Variants in MYH11 observed in about 807,000 individuals in gnomAD.
MYH11 encodes the protein myosin-11.
A neutral mutation model predicts 246.6 loss-of-function variants in MYH11; 80 were observed. That is an observed-to-expected ratio of 0.32 (90% confidence interval 0.27 to 0.39). The LOEUF (loss-of-function observed/expected upper bound fraction) is 0.39, where lower values mean the gene tolerates loss of function less well. MYH11 is among the 10% of genes least tolerant of loss of function. The pLI, the probability that MYH11 is intolerant of heterozygous loss-of-function variation, is 1.00. For missense variants in MYH11, 2,158 were observed against 2,546.8 expected (o/e 0.85, Z 3.29); for synonymous variants, 1,071 against 1,015.5 (o/e 1.05, Z -1.04).
At position 15,756,414 on chromosome 16, in the gene MYH11, C is replaced by T. The variant is rs752880484; in HGVS notation, c.1676G>A (p.Ser559Asn). 1.2e-6 allele frequency: 2 copies of T among 1,614,076 alleles called. No individual in the cohort carries two copies. The highest frequency in any genetic ancestry group is 8.5e-7 in the Non-Finnish European group (1 of 1,180,058). Residue 559 changes from serine (S) to asparagine (N), a missense_variant, in exon 14 of 41, where the codon AGC becomes AAC. By Grantham distance (46) the Ser-to-Asn change is conservative. Coordinates refer to ENST00000300036, the MANE Select transcript of MYH11 (RefSeq NM_002474.3). ...CTTGGGCTTCTGGAACTTGGGGTGGCTGCCCTGCTCCGTGCACAGCTTCTC... is the reference window on the plus strand; with the variant it reads ...CTTGGGCTTCTGGAACTTGGGGTGGTTGCCCTGCTCCGTGCACAGCTTCTC... ...FVEKLCTEQG[S>N]HPKFQKPKQL...
At chr16:15,761,772 G>A (rs1466240160) in intron 10 of MYH11, among the ~76,000 whole-genome samples, 1 of 151,894 alleles carries the variant, frequency 6.6e-6, no homozygotes, top group Non-Finnish European at 1.5e-5. Context: ...TCTTTCCTTG[G>A]CATCCGGATT....
chr16:15,772,812 A>G (rs947566603), intron 8 of MYH11, among the ~76,000 whole-genome samples: 1 of 152,134 alleles, frequency 6.6e-6, no homozygotes, highest in Admixed American at 6.6e-5. Context: ...TCCGCTTCCC[A>G]TAAGATCAGC....
In MYH11 at chr16:15,838,121, G is replaced by A. The variant is rs973818233; in HGVS notation, c.132C>T (p.Gly44=). ...CCTCCTTAATGCTGGCTGCCTCGAA[G>A]CCCTGCTTCTCCGAGGGGACCCAGA... is the stretch of plus-strand genomic sequence containing the variant. ...RLVWVPSEKQ[G]FEAASIKEEK... Residue 44 remains glycine, a synonymous_variant, in exon 2 of 41, where the codon GGC becomes GGT. Coordinates refer to ENST00000300036, the MANE Select transcript of MYH11 (RefSeq NM_002474.3). 8 of 1,614,102 alleles carry A rather than the reference G, an allele frequency of 5.0e-6. No homozygotes were observed. The highest frequency in any genetic ancestry group is 1.6e-4 in the Middle Eastern group (1 of 6,062).
chr16:15,733,426 T>A (rs2041024827), intron 26 of MYH11, among the ~76,000 whole-genome samples: 1 of 150,896 alleles, frequency 6.6e-6, no homozygotes, highest in Admixed American at 6.6e-5. Context: ...AGAGATGGGG[T>A]TTCAACATGT....
intron 13 of MYH11, 151 bp downstream of exon 13, chr16:15,757,676 G>T: frequency 1.1e-6 from 1 of 947,092 alleles, no homozygotes; most frequent in Non-Finnish European, 1.6e-6. Context: ...GAGTTCACAA[G>T]GATTCAGCTT....
At position 15,769,013 on chromosome 16, in the gene MYH11, A is replaced by C. The variant is rs1038420513; in HGVS notation, c.1033+2556T>G. The stretch of plus-strand genomic sequence containing the variant: ...CCACCCCTCCAAAAATCAAACCAAA[A>C]CAAAACAAAAAACCCCAGGCCAGGC... On this transcript the variant is annotated intron_variant, in intron 9 of 40. Transcript: ENST00000300036. Among the ~76,000 whole-genome samples the C allele has an allele frequency of 6.0e-4, 90 of 150,504 alleles. 2 individuals carry two copies. The highest frequency in any genetic ancestry group is 7.9e-4 in the African/African-American group (32 of 40,750).
intron 4 of MYH11, among the ~76,000 whole-genome samples, chr16:15,795,338 T>G (rs1424759256): frequency 2.0e-5 from 3 of 148,658 alleles, no homozygotes; most frequent in Non-Finnish European, 3.0e-5. Flanking sequence ...TGGGCCAGGC[T>G]CAGCGGCTCA....
intron 1 of MYH11, among the ~76,000 whole-genome samples, chr16:15,841,033 C>T (rs748280057): frequency 1.2e-4 from 19 of 152,056 alleles, no homozygotes; most frequent in Non-Finnish European, 2.4e-4. Context: ...TGGTCAAATA[C>T]GAGACAGTGT....
chr16:15,814,007 G>A (rs1235217286), intron 3 of MYH11, among the ~76,000 whole-genome samples: 2 of 151,884 alleles, frequency 1.3e-5, no homozygotes, highest in African/African-American at 4.8e-5. Flanking sequence ...AGCTGGGCAT[G>A]GTGGCATGCA....
At chr16:15,837,134 T>C (rs2043918531) in intron 2 of MYH11, among the ~76,000 whole-genome samples, 1 of 152,204 alleles carries the variant, frequency 6.6e-6, no homozygotes, top group African/African-American at 2.4e-5. Flanking sequence ...CTACCTAAAA[T>C]AGTCCTACGA....
chr16:15,838,995 G>C (rs1237710815), intron 1 of MYH11, among the ~76,000 whole-genome samples: 1 of 152,050 alleles, frequency 6.6e-6, no homozygotes, highest in Non-Finnish European at 1.5e-5. Context: ...GATTCCTTGA[G>C]CCCAGGAGTT....
chr16:15,771,563 G>A lies in MYH11; in HGVS notation c.1033+6C>T, dbSNP rs767584307. 37 of 1,613,144 alleles carry A rather than the reference G, an allele frequency of 2.3e-5. No individual in the cohort carries two copies. Among genetic ancestry groups the A allele is most frequent in the Non-Finnish European group, 2.5e-5 (30 of 1,179,926 alleles). ...CTACCCTCCAGACTCAAGGTGTGAG[G>A]CTTACATAGCTGCTCCTCCTCGCTG... On this transcript the variant is annotated splice_donor_region_variant and intron_variant, in intron 9 of 40. Coordinates refer to ENST00000300036, the MANE Select transcript of MYH11 (RefSeq NM_002474.3).
intron 9 of MYH11, among the ~76,000 whole-genome samples, chr16:15,766,347 GTGTGT>G (rs1567742470): frequency 5.8e-4 from 33 of 57,204 alleles, no homozygotes; most frequent in African/African-American, 1.9e-3. Context: ...GTTTTTTGGT[GTGTGT>G]GTGTGTGTGT....
At chr16:15,820,598 A>G (rs1160793241) in intron 3 of MYH11, among the ~76,000 whole-genome samples, 2 of 152,210 alleles carry the variant, frequency 1.3e-5, no homozygotes, top group East Asian at 3.8e-4. Flanking sequence ...AAGAAGTAAA[A>G]GAAGCCCTTA....
At chr16:15,719,760 CA>C (rs752035759) in intron 34 of MYH11, 47 bp from the exon 35 acceptor site, 10 of 1,613,068 alleles carry the variant, frequency 6.2e-6, no homozygotes, top group Middle Eastern at 3.4e-4. Flanking sequence ...CTTACTCCCC[CA>C]AGTTCTGCTG....
chr16:15,760,760 C>G (rs959714444), intron 10 of MYH11, 102 bp from the exon 11 acceptor site: 34 of 880,806 alleles, frequency 3.9e-5, no homozygotes, highest in Non-Finnish European at 5.6e-5. Context: ...ACAGCGGGTT[C>G]TCTTGGGGAA....
chr16:15,814,553 CAAAAAAAAAAAAAAAAAA>C (rs58806731), intron 3 of MYH11, among the ~76,000 whole-genome samples: 1 of 22,816 alleles, frequency 4.4e-5, no homozygotes, highest in Non-Finnish European at 1.2e-4. Context: ...AACTCCATCT[CAAAAAAAAAAAAAAAAAA>C]AAAAAAAAAA....
At chr16:15,738,764 T>C in intron 23 of MYH11, 76 bp from the exon 24 acceptor site, 1 of 1,536,990 alleles carries the variant, frequency 6.5e-7, no homozygotes, top group South Asian at 1.2e-5. Flanking sequence ...TTTAGTGATT[T>C]CCATGTAAAC....
At chr16:15,727,121 C>T in intron 27 of MYH11, 67 bp from the exon 28 acceptor site, 1 of 1,440,262 alleles carries the variant, frequency 6.9e-7, no homozygotes, top group Non-Finnish European at 9.7e-7. Context: ...TCAGGCCCTG[C>T]CCTTTCCTCC....
Sources: gnomAD v4.1 joint callset for allele counts (sites outside exome capture counted in the v4.1 genomes callset) on GRCh38, gnomAD v4.1.1 for gene constraint, MANE v1.5 for transcripts, NCBI Gene and HGNC (gene_info 2026-07-23, HGNC 2026-07-21) for gene names.